The following ARHGDIB variants were observed in gnomAD, a reference collection of about 807,000 sequenced individuals.
ARHGDIB encodes Rho GDP dissociation inhibitor beta, also known as rho GDP-dissociation inhibitor 2.
ARHGDIB carries 20 observed loss-of-function variants against 22.6 expected under a neutral mutation model. The observed-to-expected ratio is 0.88, with a 90% CI of 0.62 to 1.28. The LOEUF is 1.28. Among genes scored for constraint, ARHGDIB ranks in the 50% most tolerant of loss-of-function variants. ARHGDIB has a pLI of 0.00. For synonymous variants in ARHGDIB, 114 were observed against 96.1 expected, an observed-to-expected ratio of 1.19 and a Z score of -1.09; for missense variants, 254 against 245.4, an observed-to-expected ratio of 1.04 and a Z score of -0.23.
At position 14,942,682 on chromosome 12, in the gene ARHGDIB, C is replaced by A; in HGVS notation, c.446G>T (p.Arg149Leu). The change falls in exon 6 of 6, where the codon CGG (arginine) becomes CTG (leucine). Residue 149 changes from arginine to leucine, a missense_variant. Physicochemically the swap from Arg to Leu is moderately radical, Grantham distance 102 (BLOSUM62 -2). Coordinates refer to ENST00000228945, the MANE Select transcript of ARHGDIB (RefSeq NM_001175.7). ...AGTGAGGAACTCATACTCCTCAGGC[C>A]GAGGTCCATAGCTGCCAACCATAAA... ...ATFMVGSYGP[R>L]PEEYEFLTPV... 3 of 1,614,046 alleles carry A rather than the reference C, an allele frequency of 1.9e-6. No homozygotes were observed. Among genetic ancestry groups the A allele is most frequent in the Non-Finnish European group, 2.5e-6 (3 of 1,179,988 alleles).
intron 2 of ARHGDIB, 26 bp downstream of exon 2, chr12:14,950,506 C>T (rs1197227775): frequency 4.4e-6 from 7 of 1,576,264 alleles, no homozygotes; most frequent in Admixed American, 1.8e-5. Flanking sequence ...GATCTTCCAC[C>T]CACCCTGTTC....
At chr12:14,950,222 C>T (rs769739572) in intron 2 of ARHGDIB, among the ~76,000 whole-genome samples, 2 of 151,848 alleles carry the variant, frequency 1.3e-5, no homozygotes, top group East Asian at 1.9e-4. Context: ...AAGAGATGAA[C>T]GGTTAGGTAA....
intron 2 of ARHGDIB, 122 bp downstream of exon 2, chr12:14,950,410 C>T: frequency 2.5e-6 from 2 of 808,718 alleles, no homozygotes; most frequent in Non-Finnish European, 3.9e-6. Flanking sequence ...ATAAATTGTG[C>T]CTCGCTCACT....
At chr12:14,951,078 T>TC in intron 1 of ARHGDIB, 1 of 162,546 alleles carries the variant, frequency 6.2e-6, no homozygotes. Flanking sequence ...GCTGTAGGAG[T>TC]TATCACAGTC....
chr12:14,953,134 A>G (rs114369802), intron 1 of ARHGDIB, among the ~76,000 whole-genome samples: 2,208 of 152,266 alleles, frequency 0.015, 46 homozygotes, highest in African/African-American at 0.051. Flanking sequence ...TTCATTGCAA[A>G]CAGATATAAC....
In ARHGDIB at chr12:14,949,810, T is replaced by TA; in HGVS notation, c.256_257insT (p.Asp86ValfsTer21). On this transcript the variant is annotated frameshift_variant, in exon 3 of 6. Coordinates refer to ENST00000228945, the MANE Select transcript of ARHGDIB (RefSeq NM_001175.7). LOFTEE classifies it high-confidence loss of function. The stretch of plus-strand genomic sequence containing the variant: ...CAGATGTGTCTACATACCAGTAAGG[T>TA]CCATGGTGATTGGTCCCGGGGCACT... 1.2e-6 allele frequency: 2 copies of TA among 1,613,564 alleles called. No homozygotes were observed. The highest frequency in any genetic ancestry group is 1.7e-6 in the Non-Finnish European group (2 of 1,179,622).
At chr12:14,955,966 A>AT (rs1864293000) in intron 1 of ARHGDIB, among the ~76,000 whole-genome samples, 1 of 152,188 alleles carries the variant, frequency 6.6e-6, no homozygotes, top group South Asian at 2.1e-4. Context: ...TAGTTCTTAC[A>AT]GTAACTTTGT....
intron 1 of ARHGDIB, among the ~76,000 whole-genome samples, chr12:14,959,467 A>G (rs918429783): frequency 6.6e-6 from 1 of 152,204 alleles, no homozygotes; most frequent in Non-Finnish European, 1.5e-5. Context: ...ACACTTCTGC[A>G]TTCTTCTCAG....
At chr12:14,949,401 C>T (rs1864112113) in intron 3 of ARHGDIB, among the ~76,000 whole-genome samples, 1 of 152,204 alleles carries the variant, frequency 6.6e-6, no homozygotes, top group Admixed American at 6.5e-5. Flanking sequence ...GATTGCTTCT[C>T]ACCTTCCAGT....
At chr12:14,955,459 G>A (rs897131564) in intron 1 of ARHGDIB, among the ~76,000 whole-genome samples, 2 of 152,072 alleles carry the variant, frequency 1.3e-5, no homozygotes, top group African/African-American at 4.8e-5. Flanking sequence ...AGTATTTATT[G>A]TATATATTTA....
At chr12:14,953,070 AG>A (rs1864217290) in intron 1 of ARHGDIB, among the ~76,000 whole-genome samples, 1 of 152,198 alleles carries the variant, frequency 6.6e-6, no homozygotes, top group African/African-American at 2.4e-5. Flanking sequence ...TCTAACATAT[AG>A]GTCTTGATCT....
chr12:14,951,899 G>C lies in ARHGDIB; in HGVS notation c.-12-1175C>G, dbSNP rs994969058. 5.3e-5 allele frequency among the ~76,000 whole-genome samples: 8 copies of C among 151,882 alleles called. No individual in the cohort carries two copies. In the East Asian group the frequency reaches 9.7e-4, roughly 18 times the overall value. ...TGCCCAGGTTCACACAGCTGGATGA[G>C]AGGCAGTATACTAACCAAGAGGAAG... On this transcript the variant is annotated intron_variant, in intron 1 of 5. Coordinates refer to ENST00000228945, the MANE Select transcript of ARHGDIB (RefSeq NM_001175.7).
At chr12:14,958,032 T>C (rs987038262) in intron 1 of ARHGDIB, among the ~76,000 whole-genome samples, 2 of 152,358 alleles carry the variant, frequency 1.3e-5, no homozygotes, top group South Asian at 4.1e-4. Flanking sequence ...TATGTCTGAC[T>C]TCCCCCAAAT....
chr12:14,954,458 C>A (rs1045486658), intron 1 of ARHGDIB, among the ~76,000 whole-genome samples: 1 of 152,178 alleles, frequency 6.6e-6, no homozygotes, highest in African/African-American at 2.4e-5. Context: ...GGAAGTAGAC[C>A]CTTAGGAGAA....
At chr12:14,944,628 A>T (rs1478541678) in intron 5 of ARHGDIB, 148 bp downstream of exon 5, 1 of 654,712 alleles carries the variant, frequency 1.5e-6, no homozygotes, top group East Asian at 2.8e-5. Context: ...TCTATATCAG[A>T]GGTGTATTTG....
chr12:14,943,538 A>C (rs1460326980), intron 5 of ARHGDIB, among the ~76,000 whole-genome samples: 1 of 152,184 alleles, frequency 6.6e-6, no homozygotes, highest in Admixed American at 6.5e-5. Context: ...TGTGTATATG[A>C]TGGACTTTAA....
intron 1 of ARHGDIB, among the ~76,000 whole-genome samples, chr12:14,954,314 A>C (rs980575643): frequency 6.6e-6 from 1 of 152,218 alleles, no homozygotes; most frequent in African/African-American, 2.4e-5. Flanking sequence ...GACACAACTT[A>C]GTCTCAAGCT....
chr12:14,946,320 T>C (rs182508259), intron 4 of ARHGDIB, among the ~76,000 whole-genome samples: 1 of 152,232 alleles, frequency 6.6e-6, no homozygotes, highest in South Asian at 2.1e-4. Context: ...TAGAAAGTGC[T>C]AAGAAGTTTG....
chr12:14,945,130 T>C (rs1014080744), intron 4 of ARHGDIB, among the ~76,000 whole-genome samples: 2 of 152,224 alleles, frequency 1.3e-5, no homozygotes, highest in South Asian at 4.1e-4. Context: ...TTCTTCATTG[T>C]ATTTCTCCTT....
Sources: gnomAD v4.1 joint callset for allele counts (sites outside exome capture counted in the v4.1 genomes callset) on GRCh38, gnomAD v4.1.1 for gene constraint, MANE v1.5 for transcripts, NCBI Gene and HGNC (gene_info 2026-07-23, HGNC 2026-07-21) for gene names.